MLLT10: variants seen among roughly 807,000 people sequenced by gnomAD.
MLLT10 encodes protein AF-10.
A neutral mutation model predicts 129.1 loss-of-function variants in MLLT10; 30 were observed. The observed-to-expected ratio is 0.23, with a 90% CI of 0.17 to 0.32. The LOEUF is 0.32. MLLT10 is among the 10% of genes least tolerant of loss of function. MLLT10 has a pLI of 1.00. For missense variants in MLLT10, 1,119 were observed against 1,268.3 expected (o/e 0.88, Z 1.79); for synonymous variants, 490 against 446.4 (o/e 1.10, Z -1.23).
At chr10:21,631,013 T>A in intron 8 of MLLT10, among the ~76,000 whole-genome samples, 1 of 152,060 alleles carries the variant, frequency 6.6e-6, no homozygotes, top group East Asian at 1.9e-4. Context: ...AGGAAAGAGT[T>A]GCCTAAAGAA....
At chr10:21,720,678 TTTAAG>T (rs1303019215) in intron 14 of MLLT10, among the ~76,000 whole-genome samples, 4 of 152,210 alleles carry the variant, frequency 2.6e-5, no homozygotes, top group African/African-American at 7.2e-5. Context: ...ATTTATGCTA[TTTAAG>T]TTTTCTTAGG....
intron 9 of MLLT10, among the ~76,000 whole-genome samples, chr10:21,665,937 C>A (rs1187245269): frequency 1.3e-5 from 2 of 151,862 alleles, no homozygotes; most frequent in South Asian, 2.1e-4. Flanking sequence ...GAACTCCTGA[C>A]CTTAGTCGAT....
chr10:21,587,417 C>T (rs1589102265), intron 4 of MLLT10, among the ~76,000 whole-genome samples: 1 of 134,326 alleles, frequency 7.4e-6, no homozygotes, highest in South Asian at 2.4e-4. Context: ...GAGTGAGACC[C>T]TGCCTCAAAA....
At chr10:21,670,761 G>A in intron 10 of MLLT10, 57 bp downstream of exon 10, 2 of 1,524,914 alleles carry the variant, frequency 1.3e-6, no homozygotes, top group Non-Finnish European at 1.8e-6. Flanking sequence ...TAATAGTTAT[G>A]CTTTGTAAAA....
chr10:21,664,172 G>T (rs371781678), intron 9 of MLLT10, among the ~76,000 whole-genome samples: 4 of 151,956 alleles, frequency 2.6e-5, no homozygotes, highest in African/African-American at 9.6e-5. Flanking sequence ...GAAATATTTG[G>T]ATATTCACTT....
chr10:21,623,301 C>G (rs531941733), intron 8 of MLLT10, among the ~76,000 whole-genome samples: 1 of 152,280 alleles, frequency 6.6e-6, no homozygotes, highest in East Asian at 1.9e-4. Context: ...ATGGTTGGTT[C>G]CTCTGGTGAT....
intron 3 of MLLT10, among the ~76,000 whole-genome samples, chr10:21,575,606 G>A (rs2040647496): frequency 6.6e-6 from 1 of 152,042 alleles, no homozygotes; most frequent in South Asian, 2.1e-4. Flanking sequence ...TCAGTATGTG[G>A]TCTTCCATGG....
chr10:21,663,137 C>T (rs1195378419), intron 9 of MLLT10, among the ~76,000 whole-genome samples: 2 of 152,142 alleles, frequency 1.3e-5, no homozygotes, highest in African/African-American at 2.4e-5. Flanking sequence ...ACTCTGTCTC[C>T]GGTATTCACT....
At chr10:21,681,429 C>CAGA (rs2052727608) in intron 12 of MLLT10, 53 bp downstream of exon 12, 1 of 1,281,148 alleles carries the variant, frequency 7.8e-7, no homozygotes, top group Non-Finnish European at 1.1e-6. Flanking sequence ...CTCTAGTGCT[C>CAGA]TTTCTAGTAT....
intron 2 of MLLT10, among the ~76,000 whole-genome samples, chr10:21,537,773 T>G (rs1162261864): frequency 6.6e-6 from 1 of 152,194 alleles, no homozygotes; most frequent in African/African-American, 2.4e-5. Flanking sequence ...CCGACCTGAA[T>G]TTATATTCTT....
chr10:21,569,842 T>G (rs974074746), intron 3 of MLLT10, among the ~76,000 whole-genome samples: 1 of 152,160 alleles, frequency 6.6e-6, no homozygotes, highest in African/African-American at 2.4e-5. Flanking sequence ...TCCTCCTGCC[T>G]TAGCCTTCCC....
intron 8 of MLLT10, among the ~76,000 whole-genome samples, chr10:21,648,491 C>T (rs2048725821): frequency 6.6e-6 from 1 of 152,090 alleles, no homozygotes; most frequent in South Asian, 2.1e-4. Flanking sequence ...GATCATTCAC[C>T]ATTAAATTAT....
At chr10:21,728,948 A>C (rs1261904668) in intron 16 of MLLT10, among the ~76,000 whole-genome samples, 1 of 150,800 alleles carries the variant, frequency 6.6e-6, no homozygotes, top group African/African-American at 2.4e-5. Flanking sequence ...ATATTTGGGG[A>C]ATGTCTGTTA....
chr10:21,738,455 AATT>A, intron 21 of MLLT10: 1 of 1,289,072 alleles, frequency 7.8e-7, no homozygotes, highest in South Asian at 1.2e-5. Context: ...TTTCAGCACA[AATT>A]ATTGCTTGGA....
At position 21,603,432 on chromosome 10, in the gene MLLT10, T is replaced by C. The variant is rs368494465; in HGVS notation, c.405+7992T>C. Reference sequence around the variant, plus strand: ...GGGCTTATTTCCAATTTTATTCAAATGTTTCCTAATTTGTCTGCTTCTGCT... The same window carrying C: ...GGGCTTATTTCCAATTTTATTCAAACGTTTCCTAATTTGTCTGCTTCTGCT... On this transcript the variant is annotated intron_variant, in intron 5 of 22. Coordinates refer to ENST00000307729, the MANE Select transcript of MLLT10 (RefSeq NM_001195626.3). Among the ~76,000 whole-genome samples the C allele has an allele frequency of 2.6e-5, 4 of 152,304 alleles. No individual in the cohort carries two copies. The East Asian group carries it at 7.7e-4, about 29-fold the overall frequency.
intron 8 of MLLT10, among the ~76,000 whole-genome samples, chr10:21,644,513 C>T (rs774204096): frequency 1.3e-5 from 2 of 152,144 alleles, no homozygotes; most frequent in Non-Finnish European, 2.9e-5. Context: ...TTTGGTAGAA[C>T]TCCAGGCTGG....
At chr10:21,732,835 G>C (rs1353057071) in intron 17 of MLLT10, 64 bp from the exon 18 acceptor site, 1 of 1,349,060 alleles carries the variant, frequency 7.4e-7, no homozygotes, top group Non-Finnish European at 1.0e-6. Flanking sequence ...TACCGGCACT[G>C]CGTAAAATAC....
chr10:21,728,376 A>C (rs891030060), intron 16 of MLLT10, among the ~76,000 whole-genome samples: 1 of 152,196 alleles, frequency 6.6e-6, no homozygotes, highest in Non-Finnish European at 1.5e-5. Context: ...AAATTGTTTG[A>C]ATCAGTTATA....
chr10:21,627,878 G>A (rs972006835), intron 8 of MLLT10, among the ~76,000 whole-genome samples: 2 of 151,900 alleles, frequency 1.3e-5, no homozygotes, highest in African/African-American at 2.4e-5. Context: ...ATCTTCCACC[G>A]AATACCTAGA....
Sources: allele counts gnomAD v4.1 joint callset (sites outside exome capture counted in the v4.1 genomes callset), GRCh38; gene constraint gnomAD v4.1.1; transcripts MANE v1.5; gene names NCBI Gene and HGNC (gene_info 2026-07-23, HGNC 2026-07-21).